The following XRCC4 variants were observed in gnomAD, a reference collection of about 807,000 sequenced individuals.
XRCC4 encodes DNA repair protein XRCC4.
XRCC4 carries 28 observed loss-of-function variants against 39.1 expected under a neutral mutation model. The ratio of observed to expected loss-of-function variants is 0.72; its 90% CI spans 0.53 to 0.98. XRCC4 has a LOEUF of 0.98. XRCC4 is among the 50% of genes least tolerant of loss of function. The pLI is 0.00. For missense variants in XRCC4, 350 were observed against 376.4 expected, an observed-to-expected ratio of 0.93 and a Z score of 0.58; for synonymous variants, 123 against 126.4, an observed-to-expected ratio of 0.97 and a Z score of 0.18.
At chr5:83,205,741 T>C (rs1213693062) in intron 6 of XRCC4, among the ~76,000 whole-genome samples, 1 of 151,994 alleles carries the variant, frequency 6.6e-6, no homozygotes, top group Non-Finnish European at 1.5e-5. Context: ...GATGAATAAA[T>C]ATAAAATATG....
chr5:83,158,350 A>G (rs1017059396), intron 3 of XRCC4, among the ~76,000 whole-genome samples: 5 of 152,154 alleles, frequency 3.3e-5, no homozygotes, highest in Non-Finnish European at 7.4e-5. Flanking sequence ...ATAATAGTTT[A>G]CAAGAGGGAT....
chr5:83,161,319 A>G (rs948238081), intron 3 of XRCC4, among the ~76,000 whole-genome samples: 1 of 152,062 alleles, frequency 6.6e-6, no homozygotes, highest in African/African-American at 2.4e-5. Flanking sequence ...TTTAGTAGAG[A>G]CAGAGTTTCA....
intron 6 of XRCC4, among the ~76,000 whole-genome samples, chr5:83,229,544 A>G (rs1018222878): frequency 2.1e-4 from 31 of 149,826 alleles, no homozygotes; most frequent in African/African-American, 7.1e-4. Context: ...TTTTGGGGGG[A>G]AAAAAAGGTT....
At chr5:83,107,043 T>C (rs1167215313) in intron 2 of XRCC4, among the ~76,000 whole-genome samples, 1 of 152,022 alleles carries the variant, frequency 6.6e-6, no homozygotes, top group Admixed American at 6.6e-5. Context: ...CAAACTTATG[T>C]ATTCTCAGGT....
At chr5:83,202,678 A>G (rs1429727460) in intron 4 of XRCC4, among the ~76,000 whole-genome samples, 1 of 152,120 alleles carries the variant, frequency 6.6e-6, no homozygotes, top group Non-Finnish European at 1.5e-5. Context: ...AACAACAACA[A>G]TGTAAATAAG....
intron 7 of XRCC4, among the ~76,000 whole-genome samples, chr5:83,282,969 TTTTG>T (rs1055532581): frequency 6.6e-6 from 1 of 152,264 alleles, no homozygotes; most frequent in South Asian, 2.1e-4. Context: ...GTAGTGACTT[TTTTG>T]TTTGTTTGTT....
At chr5:83,137,980 T>G in intron 3 of XRCC4, among the ~76,000 whole-genome samples, 1 of 152,168 alleles carries the variant, frequency 6.6e-6, no homozygotes, top group South Asian at 2.1e-4. Context: ...GCCTGACTCT[T>G]GAATTTAATT....
rs28383124 is a variant in XRCC4, at chr5:83,078,404, A to G, written c.-11+789A>G. ...GCTTTTGGTTCTAAATGTGTGGTGT[A>G]TTTTTTCTCAGGCAGGAGAGAGTTC... On this transcript the variant is annotated intron_variant, in intron 1 of 7. Transcript: ENST00000396027. Among the ~76,000 whole-genome samples, 44 of 152,238 alleles carry G rather than the reference A, an allele frequency of 2.9e-4. No individual in the cohort carries two copies. The East Asian group carries it at 8.5e-3, about 29-fold the overall frequency.
At chr5:83,137,651 T>C (rs1044987277) in intron 3 of XRCC4, among the ~76,000 whole-genome samples, 41 of 152,180 alleles carry the variant, frequency 2.7e-4, no homozygotes, top group African/African-American at 9.4e-4. Flanking sequence ...TTTTGGCAGC[T>C]TATTCAACTG....
downstream of XRCC4, among the ~76,000 whole-genome samples, chr5:83,358,214 G>A (rs1321073804): frequency 6.6e-6 from 1 of 152,088 alleles, no homozygotes; most frequent in Non-Finnish European, 1.5e-5. Context: ...CTTGAGAAAT[G>A]CATTAGAGCA....
chr5:83,333,348 C>T (rs16900317), intron 7 of XRCC4, among the ~76,000 whole-genome samples: 4,587 of 152,244 alleles, frequency 0.03, 216 homozygotes, highest in African/African-American at 0.1. Flanking sequence ...GTGTGAGTTA[C>T]TTTTCTTTCT....
At chr5:83,107,768 A>T (rs1746267370) in intron 2 of XRCC4, among the ~76,000 whole-genome samples, 1 of 151,948 alleles carries the variant, frequency 6.6e-6, no homozygotes. Flanking sequence ...CACTAATTAG[A>T]TCCACTTATA....
chr5:83,263,795 T>C (rs1324879552), intron 7 of XRCC4, among the ~76,000 whole-genome samples: 1 of 151,662 alleles, frequency 6.6e-6, no homozygotes, highest in Non-Finnish European at 1.5e-5. Flanking sequence ...TTTTGTAGGT[T>C]GCCTGTTCAC....
chr5:83,303,086 G>A (rs898930073), intron 7 of XRCC4, among the ~76,000 whole-genome samples: 2 of 152,032 alleles, frequency 1.3e-5, no homozygotes, highest in African/African-American at 2.4e-5. Context: ...GGTGGCACAA[G>A]CCTGTAGTCC....
chr5:83,095,499 A>G (rs756676260), intron 1 of XRCC4, among the ~76,000 whole-genome samples: 1 of 152,176 alleles, frequency 6.6e-6, no homozygotes, highest in Non-Finnish European at 1.5e-5. Flanking sequence ...CTATGTCAGA[A>G]CAAGTGCCTG....
chr5:83,262,325 G>A (rs1753781261), intron 7 of XRCC4, among the ~76,000 whole-genome samples: 1 of 152,102 alleles, frequency 6.6e-6, no homozygotes. Context: ...ATAGTTTTGT[G>A]CAGAGCGAAG....
intron 6 of XRCC4, among the ~76,000 whole-genome samples, chr5:83,213,685 GGA>G (rs575207207): frequency 3.9e-5 from 6 of 152,050 alleles, no homozygotes; most frequent in Non-Finnish European, 4.4e-5. Flanking sequence ...AAATAGAGGA[GGA>G]GCGAACACTT....
At position 83,130,184 on chromosome 5, in the gene XRCC4, T is replaced by C. The variant is rs547994556; in HGVS notation, c.315+18981T>C. Among the ~76,000 whole-genome samples the C allele has an allele frequency of 4.5e-5, 6 of 133,400 alleles. No individual in the cohort carries two copies. The East Asian group carries it at 1.2e-3, about 27-fold the overall frequency. 87.5% of individuals were successfully genotyped at this position (133,400 alleles called of 152,430 possible). On this transcript the variant is annotated intron_variant, in intron 3 of 7. Coordinates refer to ENST00000396027, the MANE Select transcript of XRCC4 (RefSeq NM_003401.5). ...TGAGAGTTTTTAGCATGAAGAGCTG[T>C]TGAATTTTGTCAAAGGCCTTTTCTG...
chr5:83,198,830 G>A (rs887851221), intron 4 of XRCC4, among the ~76,000 whole-genome samples: 4 of 152,168 alleles, frequency 2.6e-5, no homozygotes, highest in African/African-American at 7.2e-5. Flanking sequence ...TTGAACAAGT[G>A]GCATCAGTGG....
Sources: gnomAD v4.1 joint callset for allele counts (sites outside exome capture counted in the v4.1 genomes callset) on GRCh38, gnomAD v4.1.1 for gene constraint, MANE v1.5 for transcripts, NCBI Gene and HGNC (gene_info 2026-07-23, HGNC 2026-07-21) for gene names.